Variants in SMIM36 observed in about 807,000 individuals in gnomAD.
The protein encoded by SMIM36 is small integral membrane protein 36.
chr17:55,455,651 C>T (rs1909004375), intron 4 of SMIM36, among the ~76,000 whole-genome samples: 1 of 152,010 alleles, frequency 6.6e-6, no homozygotes, highest in Non-Finnish European at 1.5e-5. Context: ...ATTAGCCAGT[C>T]ATGGTGGAGC....
At chr17:55,510,706 C>T (rs995688825) in intron 1 of SMIM36, among the ~76,000 whole-genome samples, 173 bp downstream of exon 1, 3 of 135,468 alleles carry the variant, frequency 2.2e-5, no homozygotes, top group Non-Finnish European at 4.4e-5. Flanking sequence ...CGCACGTGCA[C>T]GTGCACACAC....
In SMIM36 at chr17:55,500,904, A is replaced by ATT. The variant is rs1362132097; in HGVS notation, c.*174+9973_*174+9974dup. 3.7e-3 allele frequency among the ~76,000 whole-genome samples: 43 copies of ATT among 11,552 alleles called. 19 individuals carry two copies. In the African/African-American group the frequency reaches 0.055, roughly 15 times the overall value. The allele number at this position is 11,552 out of a possible 152,430, so 7.6% of individuals were successfully genotyped here. ...TATAATATATATTATAATATATTAT[A>ATT]TTATAATATATTATAATATATTATA... On this transcript the variant is annotated intron_variant, in intron 1 of 4. Transcript: ENST00000636752.
At chr17:55,461,230 C>T (rs1909143399) in intron 4 of SMIM36, among the ~76,000 whole-genome samples, 2 of 152,176 alleles carry the variant, frequency 1.3e-5, no homozygotes, top group Admixed American at 1.3e-4. Context: ...CTCAACATCA[C>T]CTTACTCCCC....
the SMIM36 span, chr17:55,527,078 G>A: frequency 6.6e-6 from 1 of 152,156 alleles, no homozygotes. Context: ...CTTTTGTTTG[G>A]CAGATTTGTA....
intron 4 of SMIM36, among the ~76,000 whole-genome samples, chr17:55,451,127 C>T (rs112492093): frequency 1.4e-4 from 22 of 152,248 alleles, no homozygotes; most frequent in African/African-American, 4.1e-4. Flanking sequence ...CCTCATAATC[C>T]GCTCTCCTCA....
Position 55,472,070 on chromosome 17 carries a change from C to G in SMIM36, c.*348-4742G>C, listed in dbSNP as rs550733498. Among the ~76,000 whole-genome samples the G allele has an allele frequency of 4.6e-3, 705 of 152,298 alleles. 6 individuals are homozygous for G. Among genetic ancestry groups the G allele is most frequent in the African/African-American group, 0.015 (641 of 41,556 alleles). On this transcript the variant is annotated intron_variant, in intron 3 of 4. Coordinates refer to ENST00000636752, the Ensembl canonical transcript of SMIM36. ...ATTACCCATGGGCCTGATTTCAACC[C>G]AGCTTCTCACTTAGCACCCAACGCA... is the stretch of plus-strand genomic sequence containing the variant.
intron 1 of SMIM36, among the ~76,000 whole-genome samples, chr17:55,507,899 A>C (rs1336971899): frequency 3.3e-5 from 5 of 152,172 alleles, no homozygotes; most frequent in Admixed American, 2.6e-4. Context: ...TCATAAGAAG[A>C]AACACAGAAC....
exon 1 of SMIM36, chr17:55,511,105 C>A: frequency 2.5e-6 from 1 of 398,686 alleles, no homozygotes; most frequent in Non-Finnish European, 4.4e-6. Context: ...CAAAGAAAGG[C>A]CAGGCCCCTT....
At chr17:55,531,233 C>G in the SMIM36 span, among the ~76,000 whole-genome samples, 1 of 152,192 alleles carries the variant, frequency 6.6e-6, no homozygotes, top group East Asian at 1.9e-4. Context: ...CCCCACATGA[C>G]CAAACTTCCC....
At chr17:55,523,921 T>G in the SMIM36 span, among the ~76,000 whole-genome samples, 2 of 152,176 alleles carry the variant, frequency 1.3e-5, no homozygotes, top group African/African-American at 2.4e-5. Context: ...TTCTTTTCTT[T>G]TTTTTTAACT....
At chr17:55,526,903 A>G in the SMIM36 span, 2 of 152,160 alleles carry the variant, frequency 1.3e-5, no homozygotes, top group African/African-American at 4.8e-5. Flanking sequence ...AAATCCCAGG[A>G]TACCACCAAG....
chr17:55,462,251 T>G (rs900787661), intron 4 of SMIM36, among the ~76,000 whole-genome samples: 1 of 152,188 alleles, frequency 6.6e-6, no homozygotes, highest in Non-Finnish European at 1.5e-5. Context: ...GTATATAAAG[T>G]TAATATAAGC....
At position 55,450,321 on chromosome 17, in the gene SMIM36, T is replaced by A. The variant is rs997907809; in HGVS notation, c.*532-23A>T. 7 of 152,168 alleles carry A rather than the reference T, an allele frequency of 4.6e-5. No homozygotes were observed. In the East Asian group the frequency reaches 5.8e-4, roughly 13 times the overall value. 9.4% of individuals were successfully genotyped at this position (152,168 alleles called of 1,614,324 possible). A position where few individuals can be genotyped will look rare whatever the true frequency, so the allele number is the denominator to read the frequency against. ...CTTCTAGAATATGAAAGAAAAAAAATTTCTGTTGTTTTAAGACACTCATTG... is the reference window on the plus strand; with the variant it reads ...CTTCTAGAATATGAAAGAAAAAAAAATTCTGTTGTTTTAAGACACTCATTG... On this transcript the variant is annotated intron_variant, in intron 4 of 4. Transcript: ENST00000636752.
chr17:55,459,127 A>G lies in SMIM36; in HGVS notation c.*531+8018T>C, dbSNP rs1242817821. On this transcript the variant is annotated intron_variant, in intron 4 of 4. Transcript: ENST00000636752. ...GGAGCCCCACAGCCTGTCCGTGTGT[A>G]TGCTTCCCTAGAGGTTTGAGCAGCG... Among the ~76,000 whole-genome samples the G allele has an allele frequency of 2.6e-5, 4 of 152,130 alleles. No individual in the cohort carries two copies. The East Asian group carries it at 5.8e-4, about 22-fold the overall frequency.
chr17:55,455,551 A>G (rs1598445805), intron 4 of SMIM36, among the ~76,000 whole-genome samples: 1 of 152,146 alleles, frequency 6.6e-6, no homozygotes. Context: ...GCAACTTGGG[A>G]GGCCAAGGTG....
rs1293559027 is a variant in SMIM36 at position 55,502,479 on chromosome 17, G to A, written c.*174+8400C>T. Among the ~76,000 whole-genome samples, 124 of 107,756 alleles carry A rather than the reference G, an allele frequency of 1.2e-3. 2 individuals carry two copies. Among genetic ancestry groups the A allele is most frequent in the Admixed American group, 0.01 (119 of 11,622 alleles). The allele number at this position is 107,756 out of a possible 152,430, so 70.7% of individuals were successfully genotyped here. On this transcript the variant is annotated intron_variant, in intron 1 of 4. Coordinates refer to ENST00000636752, the Ensembl canonical transcript of SMIM36. ...GCAGGGGCACACTGACACCTCACACGGCAGGGTATTCCAACAGACCTGCAG... is the reference window on the plus strand; with the variant it reads ...GCAGGGGCACACTGACACCTCACACAGCAGGGTATTCCAACAGACCTGCAG...
At chr17:55,482,816 C>T (rs938616299) in intron 1 of SMIM36, among the ~76,000 whole-genome samples, 13 of 152,138 alleles carry the variant, frequency 8.5e-5, no homozygotes, top group Admixed American at 2.0e-4. Context: ...CTCTTTTTCC[C>T]TTAGAAGAAT....
chr17:55,526,987 C>G, the SMIM36 span: 1 of 152,156 alleles, frequency 6.6e-6, no homozygotes, highest in African/African-American at 2.4e-5. Flanking sequence ...TTTATTATTG[C>G]AAGCCTGAAA....
At chr17:55,454,462 T>G (rs1174326014) in intron 4 of SMIM36, among the ~76,000 whole-genome samples, 1 of 152,234 alleles carries the variant, frequency 6.6e-6, no homozygotes, top group East Asian at 1.9e-4. Context: ...ATTGTTTTGC[T>G]TTTAAAAGGA....
Sources: gnomAD v4.1 joint callset for allele counts (sites outside exome capture counted in the v4.1 genomes callset) on GRCh38, gnomAD v4.1.1 for gene constraint, MANE v1.5 for transcripts, NCBI Gene and HGNC (gene_info 2026-07-23, HGNC 2026-07-21) for gene names.